The following HS3ST5 variants were observed in gnomAD, a reference collection of about 807,000 sequenced individuals.
The protein encoded by HS3ST5 is heparan sulfate glucosamine 3-O-sulfotransferase 5.
A neutral mutation model predicts 25.4 loss-of-function variants in HS3ST5; 10 were observed. The observed-to-expected ratio is 0.39, with a 90% confidence interval of 0.24 to 0.67. The LOEUF (loss-of-function observed/expected upper bound fraction) is 0.67. Among genes scored for constraint, HS3ST5 ranks in the 30% least tolerant of loss-of-function variants. The probability of loss-of-function intolerance (pLI) is 0.44; values close to 1 mark genes in which losing one functional copy is unlikely to be tolerated. For synonymous variants in HS3ST5, 170 were observed against 162.4 expected, an observed-to-expected ratio of 1.05 and a Z score of -0.36; for missense variants, 324 against 420.7, an observed-to-expected ratio of 0.77 and a Z score of 2.01.
intron 1 of HS3ST5, among the ~76,000 whole-genome samples, chr6:114,340,343 T>C (rs748757458): frequency 1.3e-5 from 2 of 152,238 alleles, no homozygotes; most frequent in Non-Finnish European, 2.9e-5. Flanking sequence ...TCTCAAGTAA[T>C]GATGTTTCTA....
intron 2 of HS3ST5, among the ~76,000 whole-genome samples, chr6:114,191,354 A>G (rs1780494011): frequency 6.6e-6 from 1 of 152,244 alleles, no homozygotes; most frequent in Non-Finnish European, 1.5e-5. Context: ...AATATATACA[A>G]GTAGACTTTT....
chr6:114,149,708 G>A (rs1051006622), intron 3 of HS3ST5, among the ~76,000 whole-genome samples: 2 of 151,980 alleles, frequency 1.3e-5, no homozygotes, highest in African/African-American at 4.8e-5. Flanking sequence ...TGCACATTCT[G>A]CACATGTGTC....
intron 2 of HS3ST5, among the ~76,000 whole-genome samples, chr6:114,218,198 A>G (rs530152003): frequency 3.9e-5 from 6 of 152,200 alleles, no homozygotes; most frequent in African/African-American, 1.4e-4. Context: ...GCGTTTCGTC[A>G]TGTCGGCCAG....
chr6:114,090,801 T>C (rs1472031690), intron 3 of HS3ST5, among the ~76,000 whole-genome samples: 1 of 152,232 alleles, frequency 6.6e-6, no homozygotes, highest in Non-Finnish European at 1.5e-5. Flanking sequence ...TAAATAATAA[T>C]GAAGTTATCT....
intron 1 of HS3ST5, among the ~76,000 whole-genome samples, chr6:114,290,131 G>A (rs1474866676): frequency 6.6e-6 from 1 of 152,102 alleles, no homozygotes; most frequent in Non-Finnish European, 1.5e-5. Context: ...TAAATATGGA[G>A]AGATTAAACC....
chr6:114,112,745 T>G (rs1198398769), intron 3 of HS3ST5, among the ~76,000 whole-genome samples: 1 of 152,174 alleles, frequency 6.6e-6, no homozygotes, highest in Non-Finnish European at 1.5e-5. Context: ...TTTTACAACT[T>G]TTCTTTCCTC....
Position 114,161,743 on chromosome 6 carries a change from C to A in HS3ST5, c.-33+6608G>T, listed in dbSNP as rs184367992. On this transcript the variant is annotated intron_variant, in intron 3 of 4. Coordinates refer to ENST00000312719, the MANE Select transcript of HS3ST5 (RefSeq NM_153612.4). ...GGACCCATAGGAAGAGATTCTTGACCTCTCACCCTACTTTGGATAAATCAT... is the reference window on the plus strand; with the variant it reads ...GGACCCATAGGAAGAGATTCTTGACATCTCACCCTACTTTGGATAAATCAT... 4.7e-3 allele frequency among the ~76,000 whole-genome samples: 696 copies of A among 149,242 alleles called. 7 individuals carry two copies. Among genetic ancestry groups the A allele is most frequent in the African/African-American group, 0.016 (662 of 40,892 alleles).
At chr6:114,232,835 C>CA (rs1255618617) in intron 1 of HS3ST5, among the ~76,000 whole-genome samples, 14 of 152,128 alleles carry the variant, frequency 9.2e-5, no homozygotes, top group Non-Finnish European at 2.1e-4. Flanking sequence ...CCTCCTCTAC[C>CA]ACCATCATAA....
At chr6:114,289,551 TGAG>T (rs1774482497) in intron 1 of HS3ST5, among the ~76,000 whole-genome samples, 1 of 152,144 alleles carries the variant, frequency 6.6e-6, no homozygotes. Flanking sequence ...TCTGGGAGGC[TGAG>T]GAGAAGTCAT....
At chr6:114,122,007 T>C (rs1562205214) in intron 3 of HS3ST5, among the ~76,000 whole-genome samples, 1 of 152,206 alleles carries the variant, frequency 6.6e-6, no homozygotes, top group Non-Finnish European at 1.5e-5. Context: ...CTACCTTCTA[T>C]GCCCTTGCTT....
At chr6:114,291,646 T>A (rs1244262951) in intron 1 of HS3ST5, among the ~76,000 whole-genome samples, 1 of 152,176 alleles carries the variant, frequency 6.6e-6, no homozygotes, top group Non-Finnish European at 1.5e-5. Context: ...ACTGGGAAGA[T>A]TGATAAGAAT....
At chr6:114,084,249 A>C in intron 3 of HS3ST5, 1 of 994,300 alleles carries the variant, frequency 1.0e-6, no homozygotes, top group Non-Finnish European at 1.6e-6. Flanking sequence ...TGGCAGGCTG[A>C]GCACTCCAAT....
intron 2 of HS3ST5, among the ~76,000 whole-genome samples, chr6:114,185,022 A>G (rs1780151084): frequency 6.6e-6 from 1 of 152,192 alleles, no homozygotes; most frequent in African/African-American, 2.4e-5. Context: ...AAGATGAATC[A>G]TTCCTTGAGA....
At chr6:114,107,336 A>G (rs1233042483) in intron 3 of HS3ST5, among the ~76,000 whole-genome samples, 3 of 152,206 alleles carry the variant, frequency 2.0e-5, no homozygotes, top group East Asian at 1.9e-4. Context: ...AGAAAATCCA[A>G]CGTCCATTTC....
chr6:114,171,674 A>G (rs1451499256), intron 2 of HS3ST5, among the ~76,000 whole-genome samples: 2 of 152,180 alleles, frequency 1.3e-5, no homozygotes, highest in African/African-American at 4.8e-5. Flanking sequence ...ATTCATACTT[A>G]TAATTCGTAA....
chr6:114,220,749 A>G (rs1481375797), intron 2 of HS3ST5: 10 of 151,988 alleles, frequency 6.6e-5, no homozygotes, highest in African/African-American at 2.4e-4. Flanking sequence ...CTGAGATCTG[A>G]TGAGATTGGA....
chr6:114,278,497 G>C (rs1445530610), intron 1 of HS3ST5, among the ~76,000 whole-genome samples: 1 of 151,958 alleles, frequency 6.6e-6, no homozygotes, highest in Non-Finnish European at 1.5e-5. Context: ...TAAGAGAAAT[G>C]TGAGGTCTTT....
intron 2 of HS3ST5, among the ~76,000 whole-genome samples, chr6:114,177,482 G>C (rs13198593): frequency 0.15 from 23,562 of 152,182 alleles, 2,223 homozygotes; most frequent in South Asian, 0.31. Context: ...TTCTGTGGTA[G>C]TGTGGCTAAG....
intron 1 of HS3ST5, chr6:114,230,123 C>CTTTTTTTTTTTTT (rs910225173): frequency 2.6e-5 from 2 of 75,974 alleles, no homozygotes; most frequent in East Asian, 3.8e-4. Flanking sequence ...TGGAACTTGC[C>CTTTTTTTTTTTTT]TTTTTTTTTT....
Sources: gnomAD v4.1 joint callset for allele counts (sites outside exome capture counted in the v4.1 genomes callset) on GRCh38, gnomAD v4.1.1 for gene constraint, MANE v1.5 for transcripts, NCBI Gene and HGNC (gene_info 2026-07-23, HGNC 2026-07-21) for gene names.